The following ADK variants were observed in gnomAD, a reference collection of about 807,000 sequenced individuals.
ADK encodes adenosine kinase, also known as N6,N6-dimethyladenosine kinase.
ADK carries 24 observed loss-of-function variants against 44.7 expected under a neutral mutation model. That is an observed-to-expected ratio of 0.54 (90% confidence interval 0.39 to 0.76). ADK has a LOEUF of 0.76. Ranked by LOEUF, ADK falls within the 30% of genes least tolerant of loss-of-function variation. The probability of loss-of-function intolerance (pLI) is 0.00; values close to 1 mark genes in which losing one functional copy is unlikely to be tolerated. For synonymous variants in ADK, 128 were observed against 142.6 expected (o/e 0.90, Z 0.73); for missense variants, 321 against 425.1 (o/e 0.76, Z 2.15).
chr10:74,394,577 G>C (rs187049343), intron 5 of ADK, among the ~76,000 whole-genome samples: 24 of 152,306 alleles, frequency 1.6e-4, no homozygotes, highest in Admixed American at 6.5e-4. Flanking sequence ...AGAAAAGGCT[G>C]ATAGCTTGCT....
chr10:74,156,397 T>C (rs535881350), intron 1 of ADK, among the ~76,000 whole-genome samples: 20 of 152,158 alleles, frequency 1.3e-4, no homozygotes, highest in African/African-American at 4.8e-4. Flanking sequence ...GGTGGGAGGA[T>C]TGCTTGAGGC....
chr10:74,584,641 A>G (rs1292890755), intron 7 of ADK, among the ~76,000 whole-genome samples: 1 of 152,188 alleles, frequency 6.6e-6, no homozygotes, highest in Non-Finnish European at 1.5e-5. Context: ...CACTCCGTTT[A>G]GGAGTTATAG....
intron 7 of ADK, among the ~76,000 whole-genome samples, chr10:74,580,868 G>T (rs1469053460): frequency 6.6e-6 from 1 of 152,058 alleles, no homozygotes; most frequent in East Asian, 1.9e-4. Context: ...GAAAGGCATT[G>T]TTAAAAAATA....
At chr10:74,248,483 C>T (rs111742200) in intron 3 of ADK, among the ~76,000 whole-genome samples, 5,833 of 152,002 alleles carry the variant, frequency 0.038, 415 homozygotes, top group African/African-American at 0.13. Context: ...CTTTGCCTCC[C>T]GAGTAGCTGG....
intron 9 of ADK, among the ~76,000 whole-genome samples, chr10:74,614,065 C>T (rs576767683): frequency 4.9e-4 from 74 of 152,198 alleles, no homozygotes; most frequent in African/African-American, 1.6e-3. Flanking sequence ...ATTGTAATCA[C>T]AAAAGATAAA....
intron 3 of ADK, among the ~76,000 whole-genome samples, chr10:74,267,754 T>TTTTTTGTGTGTG (rs1554835954): frequency 4.5e-5 from 6 of 132,734 alleles, no homozygotes; most frequent in Non-Finnish European, 9.6e-5. Context: ...ATATCCTTAT[T>TTTTTTGTGTGTG]TGTGTGTGTG....
At chr10:74,450,267 G>C (rs1215644505) in intron 6 of ADK, among the ~76,000 whole-genome samples, 1 of 152,160 alleles carries the variant, frequency 6.6e-6, no homozygotes, top group Non-Finnish European at 1.5e-5. Flanking sequence ...ATCTGTGATC[G>C]TATCTCTGCA....
At chr10:74,276,838 A>ATT (rs1564629419) in intron 3 of ADK, among the ~76,000 whole-genome samples, 1,585 of 149,908 alleles carry the variant, frequency 0.011, 29 homozygotes, top group African/African-American at 0.037. Context: ...TCTCTTTTGT[A>ATT]CCTTTCCTTT....
intron 1 of ADK, among the ~76,000 whole-genome samples, chr10:74,158,990 T>C (rs1841825167): frequency 6.6e-6 from 1 of 152,224 alleles, no homozygotes; most frequent in East Asian, 1.9e-4. Context: ...TCTCCCAAAC[T>C]GAAGTTTCAC....
intron 9 of ADK, among the ~76,000 whole-genome samples, chr10:74,602,105 C>CAAAAAAA (rs58400071): frequency 2.1e-4 from 10 of 48,776 alleles, no homozygotes; most frequent in African/African-American, 4.3e-4. Context: ...ACCCTGTCTC[C>CAAAAAAA]AAAAAAAAAA....
intron 4 of ADK, among the ~76,000 whole-genome samples, chr10:74,391,414 C>T (rs149914680): frequency 0.016 from 2,497 of 151,986 alleles, 41 homozygotes; most frequent in Non-Finnish European, 0.029. Context: ...TCCTCTACTC[C>T]TTTCCCACTC....
chr10:74,268,080 T>C (rs1181637578), intron 3 of ADK, among the ~76,000 whole-genome samples: 1 of 152,118 alleles, frequency 6.6e-6, no homozygotes, highest in Non-Finnish European at 1.5e-5. Flanking sequence ...CCCAGCACTT[T>C]GGGAGGCTGT....
chr10:74,388,535 T>C (rs1843224532), intron 4 of ADK, among the ~76,000 whole-genome samples: 1 of 152,148 alleles, frequency 6.6e-6, no homozygotes, highest in Non-Finnish European at 1.5e-5. Context: ...TTTTTTTTCC[T>C]CAGCAGTCTT....
chr10:74,287,198 C>T (rs983882055), intron 3 of ADK, among the ~76,000 whole-genome samples: 11 of 152,172 alleles, frequency 7.2e-5, no homozygotes, highest in African/African-American at 2.4e-4. Context: ...GGCGCAGTGG[C>T]TCACACCTGT....
chr10:74,670,601 T>C (rs1194065436), intron 10 of ADK, among the ~76,000 whole-genome samples: 1 of 152,232 alleles, frequency 6.6e-6, no homozygotes, highest in African/African-American at 2.4e-5. Context: ...TGTTAACACA[T>C]TTTTGTTCTT....
intron 3 of ADK, among the ~76,000 whole-genome samples, chr10:74,264,752 T>A (rs748133587): frequency 6.6e-6 from 1 of 152,202 alleles, no homozygotes; most frequent in African/African-American, 2.4e-5. Flanking sequence ...ATCTTTCATC[T>A]GGTAGTATGT....
chr10:74,164,645 G>A (rs145993951), intron 1 of ADK, among the ~76,000 whole-genome samples: 347 of 152,088 alleles, frequency 2.3e-3, no homozygotes, highest in African/African-American at 7.8e-3. Flanking sequence ...ATATCCTAAG[G>A]GTGTTCTTTA....
rs67693938 is a variant in ADK, at chr10:74,184,501, TTGTGTGTGTG to T, written c.66-16229_66-16220del. On this transcript the variant is annotated intron_variant, in intron 1 of 10. Transcript: ENST00000539909. The stretch of plus-strand genomic sequence containing the variant: ...ACACACCACCATGCCTGGCTATATT[TTGTGTGTGTG>T]TGTGTGTGTGTGTGTGTGTGTGTGT... Among the ~76,000 whole-genome samples, 723 of 138,498 alleles carry T rather than the reference TTGTGTGTGTG, an allele frequency of 5.2e-3. 3 individuals are homozygous for T. The highest frequency in any genetic ancestry group is 7.1e-3 in the Middle Eastern group (2 of 280). 90.9% of individuals were successfully genotyped at this position (138,498 alleles called of 152,430 possible). A position where few individuals can be genotyped will look rare whatever the true frequency, so the allele number is the denominator to read the frequency against.
chr10:74,600,781 G>A (rs1852093880), intron 9 of ADK, among the ~76,000 whole-genome samples: 1 of 151,674 alleles, frequency 6.6e-6, no homozygotes, highest in Non-Finnish European at 1.5e-5. Flanking sequence ...CTGAAAAAAA[G>A]AATACATTTC....
Sources: gnomAD v4.1 joint callset for allele counts (sites outside exome capture counted in the v4.1 genomes callset) on GRCh38, gnomAD v4.1.1 for gene constraint, MANE v1.5 for transcripts, NCBI Gene and HGNC (gene_info 2026-07-23, HGNC 2026-07-21) for gene names.